The following ZNF45 variants were observed in gnomAD, a reference collection of about 807,000 sequenced individuals.
ZNF45 encodes the protein BRC1744.
ZNF45 carries 4 observed loss-of-function variants against 12.0 expected under a neutral mutation model. The observed-to-expected ratio is 0.33, with a 90% confidence interval of 0.16 to 0.76. The LOEUF (loss-of-function observed/expected upper bound fraction) is 0.76, where lower values mean the gene tolerates loss of function less well. ZNF45 is among the 30% of genes least tolerant of loss of function. The pLI is 0.60. For missense variants in ZNF45, 700 were observed against 813.0 expected (o/e 0.86, Z 1.69); for synonymous variants, 272 against 279.6 (o/e 0.97, Z 0.27).
intron 9 of ZNF45, among the ~76,000 whole-genome samples, chr19:43,917,765 C>T (rs1011479874): frequency 8.5e-5 from 13 of 152,136 alleles, no homozygotes; most frequent in Admixed American, 6.5e-5. Flanking sequence ...GGATTACAGG[C>T]GTGAGCCACC....
intron 9 of ZNF45, among the ~76,000 whole-genome samples, chr19:43,915,590 G>A (rs1157064035): frequency 6.6e-6 from 1 of 152,220 alleles, no homozygotes; most frequent in East Asian, 1.9e-4. Context: ...AGGTGAGCGG[G>A]AGGCCAGTGG....
intron 7 of ZNF45, among the ~76,000 whole-genome samples, chr19:43,921,943 A>G (rs961102558): frequency 6.6e-6 from 1 of 152,240 alleles, no homozygotes; most frequent in Non-Finnish European, 1.5e-5. Context: ...AGAGATTTTT[A>G]TTGTTACTGA....
chr19:43,913,890 G>A lies in ZNF45; in HGVS notation c.1546C>T (p.Gln516Ter), dbSNP rs1277585722. The change falls in exon 10 of 10, where the codon CAG (glutamine) becomes TAG (stop). Residue 516 changes from glutamine (Q) to a stop codon, truncating the protein, a stop_gained. Coordinates refer to ENST00000269973, the MANE Select transcript of ZNF45 (RefSeq NM_003425.4). LOFTEE classifies it low-confidence loss of function (END_TRUNC). ...CCAGTGTGAACTCTCTGATGCACCTGAAGGCTGGAGAACTGACTGAAGGCC... is the reference window on the plus strand; with the variant it reads ...CCAGTGTGAACTCTCTGATGCACCTAAAGGCTGGAGAACTGACTGAAGGCC... ...GKAFSQFSSL[Q>*]VHQRVHTGEK... 1 of 1,603,490 alleles carries A rather than the reference G, an allele frequency of 6.2e-7. No homozygotes were observed. The highest frequency in any genetic ancestry group is 8.5e-7 in the Non-Finnish European group (1 of 1,172,598).
At chr19:43,934,266 G>T (rs578241308) in intron 2 of ZNF45, among the ~76,000 whole-genome samples, 160 bp downstream of exon 2, 17 of 152,226 alleles carry the variant, frequency 1.1e-4, no homozygotes, top group African/African-American at 4.1e-4. Context: ...ACAACACAAG[G>T]CCTTTGTGAA....
chr19:43,929,328 C>T (rs371845602), intron 3 of ZNF45, among the ~76,000 whole-genome samples: 1 of 152,230 alleles, frequency 6.6e-6, no homozygotes. Context: ...AGGATCCCTG[C>T]CCGCCTAGTT....
intron 3 of ZNF45, among the ~76,000 whole-genome samples, chr19:43,931,717 G>A (rs539935744): frequency 1.6e-4 from 24 of 152,114 alleles, no homozygotes; most frequent in Admixed American, 1.2e-3. Context: ...GAAACTTTAC[G>A]AGGTAGTTAT....
At chr19:43,927,284 C>T (rs1263820323) in intron 3 of ZNF45, among the ~76,000 whole-genome samples, 18 of 152,154 alleles carry the variant, frequency 1.2e-4, no homozygotes, top group Non-Finnish European at 1.5e-5. Context: ...ATCCCCAACA[C>T]CTACTAAGTT....
In ZNF45 at chr19:43,914,203, A is replaced by G. The variant is rs766957051; in HGVS notation, c.1233T>C (p.Thr411=). 1.2e-6 allele frequency: 2 copies of G among 1,606,174 alleles called. No individual in the cohort carries two copies. Among genetic ancestry groups the G allele is most frequent in the South Asian group, 1.1e-5 (1 of 90,642 alleles). The part of the protein sequence containing the change: ...SNLLDHQRGH[T]GEKPYQCDAC... ...CATCACACTGATACGGTTTCTCTCC[A>G]GTATGGCCTCTTTGATGGTCCAGCA... The change falls in exon 10 of 10, where the codon ACT becomes ACC. Residue 411 remains threonine (T), a synonymous_variant. Coordinates refer to ENST00000269973, the MANE Select transcript of ZNF45 (RefSeq NM_003425.4).
At chr19:43,917,650 T>C (rs1444574733) in intron 9 of ZNF45, among the ~76,000 whole-genome samples, 1 of 152,152 alleles carries the variant, frequency 6.6e-6, no homozygotes, top group Non-Finnish European at 1.5e-5. Flanking sequence ...CATGCTCAGC[T>C]AATTTTTGTA....
Position 43,914,525 on chromosome 19 carries a change from T to C in ZNF45, c.911A>G (p.Tyr304Cys), listed in dbSNP as rs993071084. 30 of 1,612,732 alleles carry C rather than the reference T, an allele frequency of 1.9e-5. No individual in the cohort carries two copies. The highest frequency in any genetic ancestry group is 1.6e-4 in the Middle Eastern group (1 of 6,082). The change falls in exon 10 of 10, where the codon TAT (tyrosine) becomes TGT (cysteine). Residue 304 changes from tyrosine to cysteine, a missense_variant. Coordinates refer to ENST00000269973, the MANE Select transcript of ZNF45 (RefSeq NM_003425.4). ...HLKVHTGKKP[Y>C]KCEECGKSFS... ...GCTCTTCCCACACTCTTCACACTTA[T>C]ATGGTTTCTTTCCAGTGTGAACTTT...
intron 9 of ZNF45, among the ~76,000 whole-genome samples, chr19:43,917,246 T>G (rs543692689): frequency 1.3e-5 from 2 of 152,324 alleles, no homozygotes; most frequent in East Asian, 3.9e-4. Context: ...CCTACCCATA[T>G]GTGAATGTTT....
chr19:43,915,250 T>C, intron 9 of ZNF45, 50 bp from the exon 10 acceptor site: 1 of 1,441,810 alleles, frequency 6.9e-7, no homozygotes, highest in Non-Finnish European at 9.1e-7. Flanking sequence ...TAATGTTTTG[T>C]TCCAAGATGT....
chr19:43,931,533 CAA>C (rs879367871), intron 3 of ZNF45, among the ~76,000 whole-genome samples: 1 of 132,088 alleles, frequency 7.6e-6, no homozygotes. Flanking sequence ...GACTCTGTCT[CAA>C]AAAAAAAAAA....
Position 43,915,138 on chromosome 19 carries a change from C to T in ZNF45, c.298G>A (p.Glu100Lys). 1 of 1,579,600 alleles carries T rather than the reference C, an allele frequency of 6.3e-7. No individual in the cohort carries two copies. ...CAGATCTGGGAGCAGAAAAGCTCTT[C>T]ATGAGGCAGGTACCTTAATCCTACT... ...QEVGLRYLPH[E>K]ELFCSQIWQQ... Residue 100 changes from glutamate to lysine, a missense_variant, in exon 10 of 10, where the codon GAA (glutamate) becomes AAA (lysine). By Grantham distance (56) the Glu-to-Lys change is moderately conservative (BLOSUM62 1). Transcript: ENST00000269973.
At chr19:43,933,877 T>C (rs1974323947) in intron 2 of ZNF45, among the ~76,000 whole-genome samples, 2 of 152,242 alleles carry the variant, frequency 1.3e-5, no homozygotes, top group South Asian at 4.1e-4. Context: ...CTAATATTGC[T>C]TAAAATTAAA....
chr19:43,919,499 C>G, intron 8 of ZNF45, 74 bp downstream of exon 8: 1 of 1,525,650 alleles, frequency 6.6e-7, no homozygotes, highest in Non-Finnish European at 8.8e-7. Flanking sequence ...TCAAGAGCTC[C>G]AAAGCCCTGT....
rs1337005121 is a variant in ZNF45 at position 43,920,534 on chromosome 19, GT to G, written c.16-836del. Among the ~76,000 whole-genome samples the G allele has an allele frequency of 2.9e-4, 35 of 122,362 alleles. 2 individuals carry two copies. The East Asian group carries it at 4.4e-3, about 15-fold the overall frequency. The allele number at this position is 122,362 out of a possible 152,430, so 80.3% of individuals were successfully genotyped here. ...CAGGAATGTTTCCAGATGTTGCCGG[GT>G]GGGGGGGGGGGGCAGTGGGCGGTAA... On this transcript the variant is annotated intron_variant, in intron 7 of 9. Coordinates refer to ENST00000269973, the MANE Select transcript of ZNF45 (RefSeq NM_003425.4).
chr19:43,918,036 C>T (rs1972832804), intron 9 of ZNF45, among the ~76,000 whole-genome samples: 1 of 152,090 alleles, frequency 6.6e-6, no homozygotes, highest in South Asian at 2.1e-4. Context: ...CCATACATAC[C>T]ATATTTGAAT....
intron 6 of ZNF45, among the ~76,000 whole-genome samples, chr19:43,922,463 TA>T (rs993882762): frequency 6.6e-5 from 10 of 152,116 alleles, no homozygotes; most frequent in Admixed American, 6.5e-4. Flanking sequence ...GCCCCCAACA[TA>T]ATTTCTCCTT....
Sources: allele counts gnomAD v4.1 joint callset (sites outside exome capture counted in the v4.1 genomes callset), GRCh38; gene constraint gnomAD v4.1.1; transcripts MANE v1.5; gene names NCBI Gene and HGNC (gene_info 2026-07-23, HGNC 2026-07-21).